The following PITPNC1 variants were observed in gnomAD, a reference collection of about 807,000 sequenced individuals.
PITPNC1 encodes cytoplasmic phosphatidylinositol transfer protein 1.
Under a neutral mutation model 44.7 loss-of-function variants are expected in PITPNC1, and 18 were observed. The observed-to-expected ratio is 0.40, with a 90% CI of 0.28 to 0.60. The LOEUF (loss-of-function observed/expected upper bound fraction) is 0.60. Ranked by LOEUF, PITPNC1 falls within the 20% of genes least tolerant of loss-of-function variation. The probability of loss-of-function intolerance (pLI) is 0.39; values close to 1 mark genes in which losing one functional copy is unlikely to be tolerated. For synonymous variants in PITPNC1, 141 were observed against 149.6 expected, an observed-to-expected ratio of 0.94 and a Z score of 0.42; for missense variants, 290 against 418.4, an observed-to-expected ratio of 0.69 and a Z score of 2.68.
At chr17:67,618,151 G>T (rs539038043) in intron 5 of PITPNC1, among the ~76,000 whole-genome samples, 93 of 152,120 alleles carry the variant, frequency 6.1e-4, no homozygotes, top group African/African-American at 2.1e-3. Flanking sequence ...ATCACTTAAG[G>T]TCAGGAATTC....
chr17:67,399,603 C>CA (rs1337527763), intron 1 of PITPNC1, among the ~76,000 whole-genome samples: 2 of 151,864 alleles, frequency 1.3e-5, no homozygotes, highest in African/African-American at 2.4e-5. Flanking sequence ...AAGTCATTAG[C>CA]AAAAAAAGTG....
chr17:67,405,180 G>A (rs567539472), intron 1 of PITPNC1, among the ~76,000 whole-genome samples: 1 of 152,064 alleles, frequency 6.6e-6, no homozygotes, highest in Non-Finnish European at 1.5e-5. Context: ...CCAGGAGTTG[G>A]AGGTTGTAGT....
chr17:67,532,711 T>G, intron 1 of PITPNC1, 91 bp from the exon 2 acceptor site: 38 of 981,688 alleles, frequency 3.9e-5, no homozygotes, highest in Non-Finnish European at 5.6e-5. Context: ...AAGGTGCTGA[T>G]GTTATTAGTG....
chr17:67,485,232 A>G (rs1423480131), intron 1 of PITPNC1, among the ~76,000 whole-genome samples: 1 of 151,952 alleles, frequency 6.6e-6, no homozygotes, highest in African/African-American at 2.4e-5. Context: ...ATTTACCATG[A>G]GCGCAGTGGG....
At chr17:67,666,621 C>T (rs1316110957) in intron 6 of PITPNC1, among the ~76,000 whole-genome samples, 2 of 152,140 alleles carry the variant, frequency 1.3e-5, no homozygotes, top group African/African-American at 4.8e-5. Flanking sequence ...GGGAGGCCAC[C>T]GTGGCAGCAG....
At chr17:67,572,090 G>A (rs1472848499) in intron 4 of PITPNC1, among the ~76,000 whole-genome samples, 1 of 152,194 alleles carries the variant, frequency 6.6e-6, no homozygotes, top group Non-Finnish European at 1.5e-5. Context: ...AGCACGGGAT[G>A]CTTCAGCAGC....
intron 1 of PITPNC1, among the ~76,000 whole-genome samples, chr17:67,418,129 T>A (rs1272414721): frequency 6.6e-6 from 1 of 152,204 alleles, no homozygotes; most frequent in Admixed American, 6.5e-5. Context: ...CAACAGATGA[T>A]TTGGATCTTT....
chr17:67,542,138 T>C (rs186653407), intron 2 of PITPNC1, among the ~76,000 whole-genome samples: 1 of 152,318 alleles, frequency 6.6e-6, no homozygotes, highest in African/African-American at 2.4e-5. Flanking sequence ...CCAGCATACA[T>C]ATGTAACCAA....
At chr17:67,579,666 C>T (rs944714502) in intron 5 of PITPNC1, among the ~76,000 whole-genome samples, 4 of 130,216 alleles carry the variant, frequency 3.1e-5, no homozygotes, top group African/African-American at 1.2e-4. Flanking sequence ...AGCCTGGGCG[C>T]GGTAGCTCAC....
chr17:67,672,712 G>A (rs1022387790), intron 7 of PITPNC1, among the ~76,000 whole-genome samples: 3 of 152,024 alleles, frequency 2.0e-5, no homozygotes, highest in Non-Finnish European at 4.4e-5. Flanking sequence ...TTGAGAATCT[G>A]TTTCCTGAAA....
intron 1 of PITPNC1, chr17:67,408,661 T>C (rs2038435650): frequency 6.7e-6 from 1 of 149,326 alleles, no homozygotes; most frequent in Non-Finnish European, 1.5e-5. Flanking sequence ...CCCTCCCTCC[T>C]TGCTTGCTTT....
intron 5 of PITPNC1, among the ~76,000 whole-genome samples, chr17:67,588,869 A>T (rs2144252622): frequency 6.6e-6 from 1 of 152,312 alleles, no homozygotes; most frequent in South Asian, 2.1e-4. Context: ...CTAATTGAGG[A>T]TTACAGAAAG....
intron 1 of PITPNC1, among the ~76,000 whole-genome samples, chr17:67,405,201 C>A (rs534594214): frequency 6.6e-6 from 1 of 151,500 alleles, no homozygotes; most frequent in Non-Finnish European, 1.5e-5. Context: ...GAGCCAAGAT[C>A]GTGCCACTGC....
At chr17:67,570,859 A>G (rs1568045261) in intron 4 of PITPNC1, among the ~76,000 whole-genome samples, 2 of 151,928 alleles carry the variant, frequency 1.3e-5, no homozygotes, top group African/African-American at 2.4e-5. Flanking sequence ...GACACCAGAT[A>G]ATGACAAGCT....
At chr17:67,648,966 CAA>C (rs772870428) in intron 6 of PITPNC1, among the ~76,000 whole-genome samples, 6 of 152,114 alleles carry the variant, frequency 3.9e-5, no homozygotes, top group Middle Eastern at 3.2e-3. Context: ...CCAGCCCAGA[CAA>C]TATAGCAACA....
intron 4 of PITPNC1, among the ~76,000 whole-genome samples, chr17:67,573,615 T>C (rs1598838075): frequency 7.4e-6 from 1 of 135,480 alleles, no homozygotes; most frequent in African/African-American, 2.9e-5. Flanking sequence ...CAGGCTGGAG[T>C]GCAGTGGCGC....
At chr17:67,409,258 G>T in intron 1 of PITPNC1, among the ~76,000 whole-genome samples, 1 of 149,746 alleles carries the variant, frequency 6.7e-6, no homozygotes, top group Non-Finnish European at 1.5e-5. Flanking sequence ...CTAATTTTTT[G>T]TATTTTTAGT....
chr17:67,442,580 C>T (rs376207891), intron 1 of PITPNC1, among the ~76,000 whole-genome samples: 2 of 151,824 alleles, frequency 1.3e-5, no homozygotes, highest in South Asian at 2.1e-4. Flanking sequence ...TGGTGGCTCA[C>T]GCCTGTAATC....
chr17:67,559,205 C>A (rs1331776263), intron 4 of PITPNC1, among the ~76,000 whole-genome samples: 1 of 152,166 alleles, frequency 6.6e-6, no homozygotes, highest in East Asian at 1.9e-4. Flanking sequence ...AGCCAAGGGG[C>A]AGTACAAACC....
Sources: gnomAD v4.1 joint callset for allele counts (sites outside exome capture counted in the v4.1 genomes callset) on GRCh38, gnomAD v4.1.1 for gene constraint, MANE v1.5 for transcripts, NCBI Gene and HGNC (gene_info 2026-07-23, HGNC 2026-07-21) for gene names.